KCNT1: variants seen among roughly 807,000 people sequenced by gnomAD.
The protein encoded by KCNT1 is potassium sodium-activated channel subfamily T member 1.
A neutral mutation model predicts 147.8 loss-of-function variants in KCNT1; 78 were observed. That is an observed-to-expected ratio of 0.53 (90% CI 0.44 to 0.64). The LOEUF (loss-of-function observed/expected upper bound fraction) is 0.64, where lower values mean the gene tolerates loss of function less well. KCNT1 is among the 30% of genes least tolerant of loss of function. KCNT1 has a pLI of 0.00. For missense variants in KCNT1, 1,419 were observed against 1,750.3 expected, an observed-to-expected ratio of 0.81 and a Z score of 3.38; for synonymous variants, 867 against 748.8, an observed-to-expected ratio of 1.16 and a Z score of -2.58.
intron 15 of KCNT1, among the ~76,000 whole-genome samples, chr9:135,769,646 ACAGGGGT>A (rs1401047662): frequency 3.3e-5 from 5 of 152,076 alleles, no homozygotes; most frequent in African/African-American, 1.2e-4. Context: ...TGCCCAGGGG[ACAGGGGT>A]CAGGGCCCAC....
intron 28 of KCNT1, chr9:135,785,715 A>C: frequency 2.1e-6 from 1 of 472,684 alleles, no homozygotes; most frequent in Non-Finnish European, 3.9e-6. Context: ...CCAGCACCCC[A>C]CGACCCACAG....
At chr9:135,745,738 C>T (rs958460318) in intron 2 of KCNT1, among the ~76,000 whole-genome samples, 1 of 152,234 alleles carries the variant, frequency 6.6e-6, no homozygotes, top group African/African-American at 2.4e-5. Context: ...GAGGCCCAGG[C>T]GCTGGCAGGT....
At chr9:135,757,527 C>G in intron 9 of KCNT1, 146 bp downstream of exon 9, 1 of 692,614 alleles carries the variant, frequency 1.4e-6, no homozygotes, top group Non-Finnish European at 2.5e-6. Flanking sequence ...AGCAGAAACT[C>G]TGTCTCTGCT....
intron 18 of KCNT1, 30 bp from the exon 19 acceptor site, chr9:135,772,685 G>A: frequency 7.4e-7 from 1 of 1,351,668 alleles, no homozygotes; most frequent in Non-Finnish European, 9.6e-7. Context: ...TGGGAGTCGG[G>A]CTGTGGCCAA....
intron 1 of KCNT1, among the ~76,000 whole-genome samples, chr9:135,709,505 G>A (rs1223110835): frequency 1.3e-5 from 2 of 152,234 alleles, no homozygotes; most frequent in South Asian, 2.1e-4. Flanking sequence ...GCTCCCAGTC[G>A]GCTGGACACT....
chr9:135,793,582 ACC>A lies in KCNT1; in HGVS notation c.*1424_*1425del, dbSNP rs1834691288. On this transcript the variant is annotated 3_prime_UTR_variant, in exon 31 of 31. Coordinates refer to ENST00000371757, the MANE Select transcript of KCNT1 (RefSeq NM_020822.3). The stretch of plus-strand genomic sequence containing the variant: ...CACCTCACCACGTTCACTTCAGGGT[ACC>A]CCAAGAGGCTGAAGGGGAAGGACCA... 6.6e-6 allele frequency: 1 copy of A among 152,248 alleles called. No individual in the cohort carries two copies. The highest frequency in any genetic ancestry group is 1.5e-5 in the Non-Finnish European group (1 of 68,080). The allele number at this position is 152,248 out of a possible 1,614,324, so 9.4% of individuals were successfully genotyped here.
At chr9:135,759,658 C>T (rs1178440197) in intron 10 of KCNT1, 21 bp from the exon 11 acceptor site, 1 of 1,581,804 alleles carries the variant, frequency 6.3e-7, no homozygotes, top group Admixed American at 1.8e-5. Flanking sequence ...CCAGGCCGCC[C>T]CTCACTGCCA....
chr9:135,788,398 G>A (rs1040965848), intron 29 of KCNT1, among the ~76,000 whole-genome samples: 1 of 152,256 alleles, frequency 6.6e-6, no homozygotes, highest in African/African-American at 2.4e-5. Context: ...GCTAGTCAAG[G>A]TGCTGTTGGC....
rs781028204 is a variant in KCNT1 at position 135,770,850 on chromosome 9, T to C, written c.1770-7T>C. 1 of 1,560,834 alleles carries C rather than the reference T, an allele frequency of 6.4e-7. No homozygotes were observed. The highest frequency in any genetic ancestry group is 8.7e-7 in the Non-Finnish European group (1 of 1,151,448). ...CGGTACCTGAAGTTGCCGGTGCCTC[T>C]GCCCAGGTATGGCGTGTGCCTCATC... On this transcript the variant is annotated splice_region_variant and splice_polypyrimidine_tract_variant and intron_variant, in intron 17 of 30. Coordinates refer to ENST00000371757, the MANE Select transcript of KCNT1 (RefSeq NM_020822.3).
Position 135,714,374 on chromosome 9 carries a change from C to T in KCNT1, c.111-203C>T, listed in dbSNP as rs1411160460. 6.4e-6 allele frequency: 1 copy of T among 156,500 alleles called. No individual in the cohort carries two copies. The highest frequency in any genetic ancestry group is 1.4e-5 in the Non-Finnish European group (1 of 72,678). The allele number at this position is 156,500 out of a possible 1,614,324, so 9.7% of individuals were successfully genotyped here. A position where few individuals can be genotyped will look rare whatever the true frequency, so the allele number is the denominator to read the frequency against. On this transcript the variant is annotated intron_variant, in intron 1 of 30. Transcript: ENST00000371757. This position sits in a 1 kb window ranked among gnomAD's most constrained non-coding sequence, Gnocchi z 6.2. The stretch of plus-strand genomic sequence containing the variant: ...CCCCCTGCCCCTGCGCAGCCCCCGC[C>T]CTAGCCCCAGCCCGGCGCAGCCGGT...
intron 15 of KCNT1, among the ~76,000 whole-genome samples, chr9:135,769,162 G>A (rs58864201): frequency 6.0e-4 from 50 of 83,184 alleles, no homozygotes; most frequent in African/African-American, 9.4e-4. Context: ...CGTGGGTGAC[G>A]GTGCGTCTGG....
In KCNT1 at chr9:135,726,289, C is replaced by T. The variant is rs559607660; in HGVS notation, c.254+11569C>T. On this transcript the variant is annotated intron_variant, in intron 2 of 30. Transcript: ENST00000371757. ...GCCAGCAGCCCCCGGGGGAGACTCC[C>T]GGCCTGCAGGGCCCTCTGGGGCCTC... Among the ~76,000 whole-genome samples, 16 of 152,176 alleles carry T rather than the reference C, an allele frequency of 1.1e-4. 1 individual carries two copies. The highest frequency in any genetic ancestry group is 5.2e-4 in the Admixed American group (8 of 15,302).
chr9:135,731,351 C>T (rs1264397056), intron 2 of KCNT1, among the ~76,000 whole-genome samples: 1 of 152,188 alleles, frequency 6.6e-6, no homozygotes, highest in African/African-American at 2.4e-5. Context: ...CACAATGTTA[C>T]TAATTTTATC....
At chr9:135,722,755 C>G (rs1392075492) in intron 2 of KCNT1, among the ~76,000 whole-genome samples, 1 of 152,210 alleles carries the variant, frequency 6.6e-6, no homozygotes, top group Admixed American at 6.5e-5. Flanking sequence ...TGCAGGCTCT[C>G]TGCTCTCTTC....
rs978339908 is a variant in KCNT1 at position 135,759,972 on chromosome 9, G to A, written c.1035+113G>A. The A allele has an allele frequency of 1.6e-5, 16 of 1,005,230 alleles. No homozygotes were observed. In the African/African-American group the frequency reaches 1.6e-4, roughly 10 times the overall value. The allele number at this position is 1,005,230 out of a possible 1,614,324, so 62.3% of individuals were successfully genotyped here. ...ACAGTGCGGGGGCCACTCCCAGGAG[G>A]GGACAGTGAGGCCAGGCGGGTGGTG... is the stretch of plus-strand genomic sequence containing the variant. On this transcript the variant is annotated intron_variant, in intron 11 of 30. Coordinates refer to ENST00000371757, the MANE Select transcript of KCNT1 (RefSeq NM_020822.3).
intron 12 of KCNT1, 106 bp from the exon 13 acceptor site, chr9:135,765,518 G>A: frequency 7.8e-7 from 1 of 1,278,842 alleles, no homozygotes; most frequent in African/African-American, 1.5e-5. Flanking sequence ...ATCACAGTGA[G>A]CTCTAGGGCC....
intron 3 of KCNT1, 120 bp from the exon 4 acceptor site, chr9:135,750,822 G>T: frequency 1.2e-6 from 1 of 835,660 alleles, no homozygotes; most frequent in Non-Finnish European, 2.0e-6. Context: ...CGTGCAGCCC[G>T]GGTGTGGGAG....
intron 10 of KCNT1, among the ~76,000 whole-genome samples, chr9:135,759,136 C>T (rs1160700045): frequency 6.6e-6 from 1 of 152,224 alleles, no homozygotes; most frequent in Non-Finnish European, 1.5e-5. Context: ...TTGGGGCATC[C>T]ATGAGGATAG....
chr9:135,740,508 G>A (rs1360397140), intron 2 of KCNT1, among the ~76,000 whole-genome samples: 1 of 152,194 alleles, frequency 6.6e-6, no homozygotes, highest in Non-Finnish European at 1.5e-5. Flanking sequence ...TGCTCCTTAT[G>A]GGCACAAGTC....
Sources: allele counts gnomAD v4.1 joint callset (sites outside exome capture counted in the v4.1 genomes callset), GRCh38; gene constraint gnomAD v4.1.1; non-coding constraint Gnocchi (gnomAD v3.1); transcripts MANE v1.5; gene names NCBI Gene and HGNC (gene_info 2026-07-23, HGNC 2026-07-21).